M1AP: variants seen among roughly 807,000 people sequenced by gnomAD.
M1AP encodes meiosis 1 arrest protein.
M1AP carries 39 observed loss-of-function variants against 51.2 expected under a neutral mutation model. That is an observed-to-expected ratio of 0.76 (90% CI 0.59 to 1.00). The LOEUF is 1.00. M1AP is among the 50% of genes least tolerant of loss of function. M1AP has a pLI of 0.00. For synonymous variants in M1AP, 251 were observed against 249.2 expected (o/e 1.01, Z -0.07); for missense variants, 545 against 641.2 (o/e 0.85, Z 1.62).
chr2:74,610,671 G>A (rs1186516571), intron 3 of M1AP, among the ~76,000 whole-genome samples: 1 of 151,968 alleles, frequency 6.6e-6, no homozygotes, highest in African/African-American at 2.4e-5. Context: ...GTCCAGGCCA[G>A]TCTTGATCCT....
chr2:74,646,594 TAGAA>T (rs996246144), intron 1 of M1AP, among the ~76,000 whole-genome samples: 8 of 152,264 alleles, frequency 5.3e-5, no homozygotes, highest in African/African-American at 1.9e-4. Context: ...AACCCAAACT[TAGAA>T]AGAAGTATGT....
At chr2:74,598,979 C>T (rs1402670467) in intron 4 of M1AP, among the ~76,000 whole-genome samples, 1 of 151,774 alleles carries the variant, frequency 6.6e-6, no homozygotes, top group Non-Finnish European at 1.5e-5. Flanking sequence ...TTATACTTAT[C>T]AATCTTTTAT....
In M1AP at chr2:74,562,178, G is replaced by A. The variant is rs765800421; in HGVS notation, c.1281+39C>T. The A allele has an allele frequency of 8.3e-6, 13 of 1,557,346 alleles. No homozygotes were observed. The Admixed American group carries it at 1.5e-4, about 18-fold the overall frequency. On this transcript the variant is annotated intron_variant, in intron 8 of 10. Coordinates refer to ENST00000421985, the MANE Select transcript of M1AP (RefSeq NM_001321739.2). ...CTCATCCCTTTCTCAAACTCCATTC[G>A]CTTCTAGATCTGTCCCATGAGATCT... is the stretch of plus-strand genomic sequence containing the variant.
At chr2:74,622,158 T>C (rs1443069096) in intron 2 of M1AP, among the ~76,000 whole-genome samples, 3 of 152,050 alleles carry the variant, frequency 2.0e-5, no homozygotes, top group African/African-American at 7.2e-5. Context: ...ATTCAATAAA[T>C]TTTTATATTG....
intron 7 of M1AP, among the ~76,000 whole-genome samples, chr2:74,566,650 A>G (rs200439407): frequency 4.3e-5 from 4 of 92,254 alleles, no homozygotes; most frequent in African/African-American, 1.1e-4. Flanking sequence ...TATCCCCCCC[A>G]CCCGCCCAGA....
At chr2:74,593,469 C>T (rs532092531) in intron 4 of M1AP, among the ~76,000 whole-genome samples, 1 of 152,326 alleles carries the variant, frequency 6.6e-6, no homozygotes, top group East Asian at 1.9e-4. Context: ...CAACTTCTAC[C>T]TTCCAGACTC....
intron 5 of M1AP, 196 bp from the exon 6 acceptor site, chr2:74,576,814 T>A (rs773461466): frequency 1.3e-5 from 17 of 1,300,068 alleles, no homozygotes; most frequent in Admixed American, 8.8e-5. Context: ...AGAACAGGTC[T>A]GGAAGCTATA....
intron 2 of M1AP, among the ~76,000 whole-genome samples, chr2:74,627,518 CTTTTAT>C (rs996135950): frequency 1.3e-5 from 2 of 152,066 alleles, no homozygotes; most frequent in African/African-American, 2.4e-5. Flanking sequence ...ATCTAGAATA[CTTTTAT>C]TTTTATTTTT....
intron 2 of M1AP, chr2:74,628,622 T>C: frequency 1.5e-6 from 1 of 658,812 alleles, no homozygotes; most frequent in South Asian, 1.4e-5. Flanking sequence ...ACTTTCTAGA[T>C]TCAAACACCC....
intron 1 of M1AP, chr2:74,648,033 G>C (rs1683707464): frequency 1.0e-6 from 1 of 985,572 alleles, no homozygotes; most frequent in Non-Finnish European, 1.2e-6. Context: ...GGAAGCTCCG[G>C]GCCCAGACTC....
At chr2:74,620,629 G>C (rs1681950609) in intron 2 of M1AP, 1 of 207,018 alleles carries the variant, frequency 4.8e-6, no homozygotes, top group African/African-American at 2.3e-5. Context: ...AGTGCAGTTT[G>C]CCCAGACCAG....
At chr2:74,645,163 C>G (rs949787478) in intron 1 of M1AP, among the ~76,000 whole-genome samples, 2 of 152,114 alleles carry the variant, frequency 1.3e-5, no homozygotes, top group African/African-American at 4.8e-5. Flanking sequence ...ACTCCACACA[C>G]GCCGCCTTAA....
chr2:74,561,433 A>G (rs1293922906), intron 8 of M1AP, among the ~76,000 whole-genome samples: 1 of 149,744 alleles, frequency 6.7e-6, no homozygotes, highest in East Asian at 1.9e-4. Flanking sequence ...GCACACGTGC[A>G]ATGCAGACAG....
At chr2:74,622,600 A>G (rs1049185404) in intron 2 of M1AP, among the ~76,000 whole-genome samples, 1 of 119,308 alleles carries the variant, frequency 8.4e-6, no homozygotes, top group Non-Finnish European at 1.7e-5. Context: ...AATTTGTATT[A>G]TATGTGTGGC....
At chr2:74,620,990 G>T in intron 2 of M1AP, 1 of 154,438 alleles carries the variant, frequency 6.5e-6, no homozygotes, top group Admixed American at 6.5e-5. Flanking sequence ...CCTTAAAAAT[G>T]CGCCAGAAAG....
At chr2:74,611,864 AAAC>A (rs1201313308) in intron 3 of M1AP, among the ~76,000 whole-genome samples, 2 of 149,826 alleles carry the variant, frequency 1.3e-5, no homozygotes, top group African/African-American at 4.9e-5. Flanking sequence ...GACAGAAAAA[AAAC>A]AACAACAAAA....
intron 3 of M1AP, 129 bp downstream of exon 3, chr2:74,614,835 T>A (rs895408724): frequency 2.5e-6 from 2 of 797,222 alleles, no homozygotes; most frequent in Non-Finnish European, 4.0e-6. Flanking sequence ...TGTAGGGAGC[T>A]GAAAATCTTG....
intron 2 of M1AP, among the ~76,000 whole-genome samples, chr2:74,623,788 T>C (rs1682211453): frequency 6.6e-6 from 1 of 152,174 alleles, no homozygotes; most frequent in African/African-American, 2.4e-5. Flanking sequence ...TCTCTCTCCT[T>C]AGCCTCTGGA....
chr2:74,612,218 T>C (rs1238408117), intron 3 of M1AP, among the ~76,000 whole-genome samples: 2 of 151,834 alleles, frequency 1.3e-5, no homozygotes, highest in Admixed American at 6.6e-5. Flanking sequence ...TGAACTTTTA[T>C]GTTTTTGTTT....
Sources: gnomAD v4.1 joint callset for allele counts (sites outside exome capture counted in the v4.1 genomes callset) on GRCh38, gnomAD v4.1.1 for gene constraint, MANE v1.5 for transcripts, NCBI Gene and HGNC (gene_info 2026-07-23, HGNC 2026-07-21) for gene names.